The following EXOC7 variants were observed in gnomAD, a reference collection of about 807,000 sequenced individuals.
The protein encoded by EXOC7 is exocyst complex component Exo70.
EXOC7 carries 51 observed loss-of-function variants against 87.6 expected under a neutral mutation model. The observed-to-expected ratio is 0.58, with a 90% CI of 0.46 to 0.73. EXOC7 has a LOEUF of 0.73. Ranked by LOEUF, EXOC7 falls within the 30% of genes least tolerant of loss-of-function variation. The pLI is 0.00. For missense variants in EXOC7, 744 were observed against 888.4 expected, an observed-to-expected ratio of 0.84 and a Z score of 2.07; for synonymous variants, 327 against 357.1, an observed-to-expected ratio of 0.92 and a Z score of 0.95.
intron 7 of EXOC7, chr17:76,089,647 C>A: frequency 2.7e-6 from 1 of 371,318 alleles, no homozygotes; most frequent in South Asian, 2.9e-5. Context: ...GGTGGTTTGA[C>A]CCCAGGACTG....
intron 5 of EXOC7, among the ~76,000 whole-genome samples, chr17:76,097,300 A>G (rs1158562586): frequency 6.6e-6 from 1 of 152,220 alleles, no homozygotes; most frequent in African/African-American, 2.4e-5. Context: ...AAAAGTTTGA[A>G]TTTGCCTAGA....
chr17:76,101,945 C>A (rs1387286720), intron 2 of EXOC7, 82 bp from the exon 3 acceptor site: 3 of 1,216,070 alleles, frequency 2.5e-6, no homozygotes, highest in South Asian at 3.0e-5. Context: ...GCATTTCCTG[C>A]CTTTTCTCTG....
At chr17:76,086,462 C>T (rs897692085) in intron 12 of EXOC7, among the ~76,000 whole-genome samples, 4 of 152,324 alleles carry the variant, frequency 2.6e-5, no homozygotes, top group Admixed American at 1.3e-4. Context: ...CTACAAGGCC[C>T]CCTTTTTCCT....
At chr17:76,086,248 C>G in intron 12 of EXOC7, 103 bp from the exon 13 acceptor site, 1 of 1,158,200 alleles carries the variant, frequency 8.6e-7, no homozygotes, top group East Asian at 2.5e-5. Context: ...GAGACAGGCC[C>G]TGGGCTTCCT....
chr17:76,096,560 T>TTTTC (rs1470320854), intron 5 of EXOC7, among the ~76,000 whole-genome samples: 1 of 151,068 alleles, frequency 6.6e-6, no homozygotes, highest in Non-Finnish European at 1.5e-5. Flanking sequence ...CTATTGGAGT[T>TTTTC]TTTCTTTCTT....
At chr17:76,087,332 C>T (rs1279026891) in intron 12 of EXOC7, 4 of 442,416 alleles carry the variant, frequency 9.0e-6, no homozygotes, top group African/African-American at 5.9e-5. Flanking sequence ...AGCAGGCAGA[C>T]ACGAGAGAAG....
intron 14 of EXOC7, 40 bp downstream of exon 14, chr17:76,085,637 G>A: frequency 6.2e-7 from 1 of 1,613,778 alleles, no homozygotes; most frequent in Non-Finnish European, 8.5e-7. Context: ...CAGCCGAGGG[G>A]AAGGTGAGAG....
Position 76,081,502 on chromosome 17 carries a change from T to A in EXOC7, c.*2146A>T. On this transcript the variant is annotated 3_prime_UTR_variant, in exon 19 of 19. Coordinates refer to ENST00000589210, the MANE Select transcript of EXOC7 (RefSeq NM_001013839.4). ...AGGCCCCATGCCCCCGATGCCCACC[T>A]CCTTCCCCCCCGCCGGGAAGGCCCT... 6.2e-7 allele frequency: 1 copy of A among 1,610,292 alleles called. No homozygotes were observed. Among genetic ancestry groups the A allele is most frequent in the Non-Finnish European group, 8.5e-7 (1 of 1,178,512 alleles).
chr17:76,081,255 T>C lies in EXOC7; in HGVS notation c.*2393A>G. On this transcript the variant is annotated 3_prime_UTR_variant, in exon 19 of 19. Coordinates refer to ENST00000589210, the MANE Select transcript of EXOC7 (RefSeq NM_001013839.4). ...GCTGGGATCTCTCCTTCCTGGTTCA[T>C]AGTTCTCATTCCCACCCCTCAGCGA... 1 of 1,612,614 alleles carries C rather than the reference T, an allele frequency of 6.2e-7. No homozygotes were observed. Among genetic ancestry groups the C allele is most frequent in the South Asian group, 1.1e-5 (1 of 90,948 alleles).
At chr17:76,087,996 G>A in intron 11 of EXOC7, 64 bp downstream of exon 11, 1 of 1,580,564 alleles carries the variant, frequency 6.3e-7, no homozygotes, top group Non-Finnish European at 8.7e-7. Context: ...ACTCTGCCTG[G>A]CCCTGGGCCT....
At chr17:76,086,805 C>T in intron 12 of EXOC7, 1 of 1,532,442 alleles carries the variant, frequency 6.5e-7, no homozygotes. Flanking sequence ...GAACCTCACC[C>T]ACCAAGCTTC....
At chr17:76,096,209 T>C (rs1421129970) in intron 5 of EXOC7, among the ~76,000 whole-genome samples, 1 of 152,104 alleles carries the variant, frequency 6.6e-6, no homozygotes, top group Non-Finnish European at 1.5e-5. Context: ...AGAGAAGAGT[T>C]GGAGGGCTAA....
chr17:76,085,599 CA>C (rs1196755020), intron 14 of EXOC7, 77 bp downstream of exon 14: 24 of 1,608,026 alleles, frequency 1.5e-5, no homozygotes, highest in African/African-American at 2.7e-5. Context: ...AGAAGGAGCC[CA>C]GGGGGGCAGG....
At chr17:76,085,108 G>C in intron 15 of EXOC7, 1 of 585,032 alleles carries the variant, frequency 1.7e-6, no homozygotes. Context: ...CTCTAAAGTG[G>C]CCATAGTGGG....
At chr17:76,091,366 G>A (rs2067473394) in intron 6 of EXOC7, 131 bp from the exon 7 acceptor site, 2 of 666,088 alleles carry the variant, frequency 3.0e-6, no homozygotes, top group Non-Finnish European at 5.3e-6. Flanking sequence ...CTTTCCCTGA[G>A]ACCACCAGAG....
intron 15 of EXOC7, chr17:76,084,795 T>C (rs1004387816): frequency 2.4e-5 from 14 of 585,356 alleles, no homozygotes; most frequent in Non-Finnish European, 6.1e-6. Context: ...GAGTGTTCAA[T>C]AAATTGGACA....
In EXOC7 at chr17:76,081,822, T is replaced by G. The variant is rs1317231787; in HGVS notation, c.*1826A>C. 1.2e-6 allele frequency: 2 copies of G among 1,610,936 alleles called. No individual in the cohort carries two copies. The highest frequency in any genetic ancestry group is 1.7e-6 in the Non-Finnish European group (2 of 1,177,862). On this transcript the variant is annotated 3_prime_UTR_variant, in exon 19 of 19. Transcript: ENST00000589210. ...GGTCACCCACTGGTGCTCAGCTCGC[T>G]GGGCACCAGAGACACAGGGACTGGC... is the stretch of plus-strand genomic sequence containing the variant.
In EXOC7 at chr17:76,103,641, G is replaced by T; in HGVS notation, c.52C>A (p.Leu18Met). The change falls in exon 1 of 19, where the codon CTG (leucine) becomes ATG (methionine). Residue 18 changes from leucine to methionine, a missense_variant. Physicochemically the swap from Leu to Met is conservative, Grantham distance 15. Coordinates refer to ENST00000589210, the MANE Select transcript of EXOC7 (RefSeq NM_001013839.4). ...CCCAGGCCCACGCCCACCTGCTTCA[G>T]CTTGTCCTCAATCTCCCGCCGTCGA... ...SARRREIEDK[L>M]KQEEETLSFI... The T allele has an allele frequency of 6.2e-7, 1 of 1,613,562 alleles. No individual in the cohort carries two copies. Among genetic ancestry groups the T allele is most frequent in the Non-Finnish European group, 8.5e-7 (1 of 1,179,806 alleles).
chr17:76,086,149 TGA>T lies in EXOC7; in HGVS notation c.1430-6_1430-5del. 6.2e-7 allele frequency: 1 copy of T among 1,613,392 alleles called. No individual in the cohort carries two copies. Reference sequence around the variant, plus strand: ...CTGGTGGCCGAAGAGCTGGTCTCTGTGAGAGGAGAAGTCCTGTTATTGCAGTG... The same window carrying T: ...CTGGTGGCCGAAGAGCTGGTCTCTGTGAGGAGAAGTCCTGTTATTGCAGTG... On this transcript the variant is annotated splice_region_variant and splice_polypyrimidine_tract_variant and intron_variant, in intron 12 of 18. Coordinates refer to ENST00000589210, the MANE Select transcript of EXOC7 (RefSeq NM_001013839.4).
Sources: gnomAD v4.1 joint callset for allele counts (sites outside exome capture counted in the v4.1 genomes callset) on GRCh38, gnomAD v4.1.1 for gene constraint, MANE v1.5 for transcripts, NCBI Gene and HGNC (gene_info 2026-07-23, HGNC 2026-07-21) for gene names.